The following HMGXB3 variants were observed in gnomAD, a reference collection of about 807,000 sequenced individuals.
HMGXB3 encodes HMG domain-containing protein 3.
A neutral mutation model predicts 121.5 loss-of-function variants in HMGXB3; 45 were observed. That is an observed-to-expected ratio of 0.37 (90% CI 0.29 to 0.47). The LOEUF is 0.47. HMGXB3 is among the 20% of genes least tolerant of loss of function. The pLI, the probability that HMGXB3 is intolerant of heterozygous loss-of-function variation, is 0.99. For synonymous variants in HMGXB3, 590 were observed against 624.1 expected, an observed-to-expected ratio of 0.95 and a Z score of 0.81; for missense variants, 1,376 against 1,602.2, an observed-to-expected ratio of 0.86 and a Z score of 2.41.
rs1049332838 is a variant in HMGXB3, at chr5:150,036,795, G to A, written c.2143G>A (p.Glu715Lys). ...GGCTGAGGTCTTCGCCTTGATTCAT[G>A]AACTCAACAGCTCTCGACTTATCTT... Reference protein sequence around the residue: ...ELAEVFALIHELNSSRLILSN... With the variant: ...ELAEVFALIHKLNSSRLILSN... Residue 715 changes from glutamate to lysine, a missense_variant, in exon 12 of 20, where the codon GAA becomes AAA. This residue lies in a region of HMGXB3 where 1,116 missense variants were observed against 1,369.0 expected (regional missense o/e 0.82). Coordinates refer to ENST00000502717, the MANE Select transcript of HMGXB3 (RefSeq NM_014983.3). 1.7e-5 allele frequency: 27 copies of A among 1,551,630 alleles called. No homozygotes were observed. Among genetic ancestry groups the A allele is most frequent in the Non-Finnish European group, 2.3e-5 (26 of 1,147,010 alleles).
intron 6 of HMGXB3, among the ~76,000 whole-genome samples, chr5:150,023,338 G>C (rs1223048502): frequency 6.6e-6 from 1 of 152,070 alleles, no homozygotes; most frequent in Non-Finnish European, 1.5e-5. Flanking sequence ...AATACTGAGA[G>C]CCCAACCCTT....
At chr5:150,005,788 G>C (rs1755687348) in intron 2 of HMGXB3, among the ~76,000 whole-genome samples, 1 of 152,146 alleles carries the variant, frequency 6.6e-6, no homozygotes, top group African/African-American at 2.4e-5. Context: ...TCCTTGGGGA[G>C]GTGCCATTGA....
rs1420227814 is a variant in HMGXB3, at chr5:150,037,543, C to G, written c.2413+16C>G. ...ATCTACACAGGTGGGTGCCAACCTT[C>G]TCTTCCCTCAGAGCATCCCAAAGCA... On this transcript the variant is annotated intron_variant, in intron 13 of 19. Transcript: ENST00000502717. The G allele has an allele frequency of 1.3e-6, 2 of 1,513,466 alleles. No individual in the cohort carries two copies. Among genetic ancestry groups the G allele is most frequent in the Non-Finnish European group, 8.9e-7 (1 of 1,122,678 alleles). 93.8% of individuals were successfully genotyped at this position (1,513,466 alleles called of 1,614,324 possible). A position where few individuals can be genotyped will look rare whatever the true frequency, so the allele number is the denominator to read the frequency against.
chr5:150,027,041 C>A lies in HMGXB3; in HGVS notation c.1658C>A (p.Thr553Asn), dbSNP rs751435309. The A allele has an allele frequency of 1.9e-6, 3 of 1,551,724 alleles. No homozygotes were observed. The South Asian group carries it at 3.6e-5, about 18-fold the overall frequency. ...TCAGATAAGACTCCCTCTGTGAGGA[C>A]TTGTGGTCTGAAGCCAAGCACACTG... ...SLSDKTPSVRTCGLKPSTLKQ... is the reference protein window; with the variant it reads ...SLSDKTPSVRNCGLKPSTLKQ... Residue 553 changes from threonine to asparagine, a missense_variant, in exon 9 of 20, where the codon ACT becomes AAT. This residue lies in a region of HMGXB3 where 1,116 missense variants were observed against 1,369.0 expected (regional missense o/e 0.82). Coordinates refer to ENST00000502717, the MANE Select transcript of HMGXB3 (RefSeq NM_014983.3).
rs1216637591 is a variant in HMGXB3 at position 150,040,837 on chromosome 5, G to C, written c.2503G>C (p.Val835Leu). Residue 835 changes from valine to leucine, a missense_variant, in exon 14 of 20, where the codon GTG becomes CTG. Val to Leu is a conservative substitution (Grantham distance 32, BLOSUM62 1). Around this residue, in one of 2 missense-constraint regions of HMGXB3, gnomAD observed 1,116 missense variants for 1,369.0 expected, o/e 0.82. Coordinates refer to ENST00000502717, the MANE Select transcript of HMGXB3 (RefSeq NM_014983.3). The part of the protein sequence containing the change: ...NQIKLGEDPR[V>L]SINVVLKSVQ... The stretch of plus-strand genomic sequence containing the variant: ...GATCAAGCTCGGAGAGGACCCCAGA[G>C]TGTCCATCAATGTTGTTCTGAAGTC... 5 of 1,551,674 alleles carry C rather than the reference G, an allele frequency of 3.2e-6. No homozygotes were observed. The African/African-American group carries it at 5.5e-5, about 17-fold the overall frequency.
intron 12 of HMGXB3, 109 bp downstream of exon 12, chr5:150,037,046 G>A (rs972159431): frequency 7.0e-6 from 7 of 1,003,010 alleles, no homozygotes; most frequent in African/African-American, 3.3e-5. Context: ...ATTCTCTGCC[G>A]TTTTTAGGCT....
intron 1 of HMGXB3, among the ~76,000 whole-genome samples, chr5:150,003,206 G>A (rs958397474): frequency 3.3e-5 from 5 of 152,174 alleles, no homozygotes; most frequent in African/African-American, 1.2e-4. Context: ...CATATTTCAA[G>A]TGCTCGATAG....
At chr5:150,027,187 T>C (rs964531852) in intron 9 of HMGXB3, 70 bp downstream of exon 9, 1 of 1,221,450 alleles carries the variant, frequency 8.2e-7, no homozygotes, top group Non-Finnish European at 1.2e-6. Context: ...ATCAAAGCTA[T>C]AGGTAAAGGC....
At chr5:150,018,761 G>T in intron 6 of HMGXB3, 64 bp downstream of exon 6, 1 of 1,430,020 alleles carries the variant, frequency 7.0e-7, no homozygotes, top group Non-Finnish European at 9.3e-7. Context: ...TTTGCCATTA[G>T]GAACAGGTGA....
intron 5 of HMGXB3, among the ~76,000 whole-genome samples, chr5:150,013,730 G>T (rs1456537201): frequency 6.6e-6 from 1 of 152,090 alleles, no homozygotes; most frequent in African/African-American, 2.4e-5. Context: ...GTGAGCATTT[G>T]GTATTTTGGC....
At chr5:150,021,029 G>A (rs899430088) in intron 6 of HMGXB3, among the ~76,000 whole-genome samples, 3 of 152,108 alleles carry the variant, frequency 2.0e-5, no homozygotes, top group Non-Finnish European at 2.9e-5. Flanking sequence ...GAGCCATGGT[G>A]CCCAGCCTGA....
chr5:150,050,108 A>G (rs1246451608), intron 18 of HMGXB3, 144 bp from the exon 19 acceptor site: 1 of 691,604 alleles, frequency 1.4e-6, no homozygotes, highest in Non-Finnish European at 2.5e-6. Flanking sequence ...AGGGAGCAGC[A>G]TGCCATGGGC....
chr5:150,026,934 A>C lies in HMGXB3; in HGVS notation c.1636+53A>C. On this transcript the variant is annotated intron_variant, in intron 8 of 19. Coordinates refer to ENST00000502717, the MANE Select transcript of HMGXB3 (RefSeq NM_014983.3). ...AGGGGCTGTCTGACAGGAAAGGGAC[A>C]GGAGTGGGGGGTTGAGAACGGACAT... 2.0e-6 allele frequency: 3 copies of C among 1,520,844 alleles called. No individual in the cohort carries two copies. The South Asian group carries it at 3.8e-5, about 19-fold the overall frequency. 94.2% of individuals were successfully genotyped at this position (1,520,844 alleles called of 1,614,324 possible). A position where few individuals can be genotyped will look rare whatever the true frequency, so the allele number is the denominator to read the frequency against.
intron 1 of HMGXB3, 53 bp from the exon 2 acceptor site, chr5:150,004,798 G>A: frequency 2.4e-6 from 3 of 1,259,160 alleles, no homozygotes; most frequent in East Asian, 2.5e-5. Context: ...GGAAGCTGCT[G>A]CCCCTCTTAG....
At chr5:150,022,056 C>CCTT in intron 6 of HMGXB3, 1 of 254,286 alleles carries the variant, frequency 3.9e-6, no homozygotes, top group South Asian at 3.8e-5. Flanking sequence ...AAGAGCAAAA[C>CCTT]ATTATATTTT....
chr5:150,015,184 G>A (rs748318927), intron 5 of HMGXB3: 26 of 285,082 alleles, frequency 9.1e-5, no homozygotes, highest in Non-Finnish European at 1.5e-4. Flanking sequence ...CCAGCTGATG[G>A]CCATGGTCAC....
intron 9 of HMGXB3, among the ~76,000 whole-genome samples, chr5:150,029,530 C>T (rs969384695): frequency 6.6e-6 from 1 of 152,100 alleles, no homozygotes; most frequent in Admixed American, 6.6e-5. Flanking sequence ...TTTATTACTG[C>T]CCAGTAAACA....
Position 150,045,513 on chromosome 5 carries a change from CT to C in HMGXB3, c.2782del (p.Trp928GlyfsTer8). ...LGSNEVNVEDFWATMETEVIE... is the reference protein window; with the variant it reads ...LGSNEVNVEDXWATMETEVIE... Reference sequence around the variant, plus strand: ...GCTCTAATGAGGTAAATGTGGAGGACTTTTGGGCCACGATGGAGACAGAGGT... The same window carrying C: ...GCTCTAATGAGGTAAATGTGGAGGACTTTGGGCCACGATGGAGACAGAGGT... On this transcript the variant is annotated frameshift_variant, in exon 16 of 20. Coordinates refer to ENST00000502717, the MANE Select transcript of HMGXB3 (RefSeq NM_014983.3). LOFTEE classifies it high-confidence loss of function. 6.4e-7 allele frequency: 1 copy of C among 1,552,306 alleles called. No homozygotes were observed. Among genetic ancestry groups the C allele is most frequent in the Non-Finnish European group, 8.7e-7 (1 of 1,147,102 alleles).
chr5:150,038,558 G>A (rs1756550862), intron 13 of HMGXB3, among the ~76,000 whole-genome samples: 1 of 152,146 alleles, frequency 6.6e-6, no homozygotes, highest in East Asian at 1.9e-4. Context: ...ATATAGAACA[G>A]GTCTATCACC....
Sources: allele counts gnomAD v4.1 joint callset (sites outside exome capture counted in the v4.1 genomes callset), GRCh38; gene constraint gnomAD v4.1.1; regional missense constraint gnomAD v4.1.1; transcripts MANE v1.5; gene names NCBI Gene and HGNC (gene_info 2026-07-23, HGNC 2026-07-21).